Variants in FMNL2 observed in about 807,000 individuals in gnomAD.
FMNL2 encodes the protein formin-like protein 2.
Under a neutral mutation model 130.2 loss-of-function variants are expected in FMNL2, and 51 were observed. The observed-to-expected ratio is 0.39, with a 90% CI of 0.31 to 0.49. The LOEUF (loss-of-function observed/expected upper bound fraction) is 0.49, where lower values mean the gene tolerates loss of function less well. FMNL2 is among the 20% of genes least tolerant of loss of function. The pLI, the probability that FMNL2 is intolerant of heterozygous loss-of-function variation, is 0.85. For missense variants in FMNL2, 977 were observed against 1,316.2 expected (o/e 0.74, Z 3.99); for synonymous variants, 465 against 467.1 (o/e 1.00, Z 0.06).
At chr2:152,389,936 A>G in intron 1 of FMNL2, 1 of 1,138,666 alleles carries the variant, frequency 8.8e-7, no homozygotes, top group Non-Finnish European at 1.3e-6. Flanking sequence ...GGGCTGGCCA[A>G]GGAAGCCAAG....
Position 152,542,236 on chromosome 2 carries a change from C to T in FMNL2, c.202-503C>T, listed in dbSNP as rs532282132. On this transcript the variant is annotated intron_variant, in intron 2 of 25. Coordinates refer to ENST00000288670, the MANE Select transcript of FMNL2 (RefSeq NM_052905.4). The stretch of plus-strand genomic sequence containing the variant: ...CCACATTCCAGCAATTGACTCGTTG[C>T]TCATATTTGAAAAAAATTAGCTTTA... Among the ~76,000 whole-genome samples the T allele has an allele frequency of 9.9e-5, 15 of 152,236 alleles. No homozygotes were observed. In the South Asian group the frequency reaches 3.1e-3, roughly 32 times the overall value.
intron 1 of FMNL2, among the ~76,000 whole-genome samples, chr2:152,352,105 A>G (rs1378664272): frequency 6.6e-6 from 1 of 152,200 alleles, no homozygotes; most frequent in African/African-American, 2.4e-5. Flanking sequence ...GAATTTTGGT[A>G]TCTTCCTGCT....
intron 1 of FMNL2, chr2:152,390,190 TG>T: frequency 7.5e-7 from 1 of 1,324,964 alleles, no homozygotes; most frequent in Non-Finnish European, 1.1e-6. Context: ...CTGGACCTGG[TG>T]GTCCCTTTCC....
chr2:152,536,613 C>A (rs1694006635), intron 2 of FMNL2, among the ~76,000 whole-genome samples: 1 of 152,170 alleles, frequency 6.6e-6, no homozygotes, highest in Admixed American at 6.5e-5. Context: ...ATGGTGACAT[C>A]TAATTCATCC....
intron 1 of FMNL2, among the ~76,000 whole-genome samples, chr2:152,408,795 T>C (rs903228850): frequency 3.3e-5 from 5 of 152,188 alleles, no homozygotes; most frequent in African/African-American, 1.2e-4. Context: ...TATTGAATAC[T>C]GTACTGAAAT....
At chr2:152,372,695 G>T (rs916765479) in intron 1 of FMNL2, among the ~76,000 whole-genome samples, 6 of 152,090 alleles carry the variant, frequency 3.9e-5, no homozygotes, top group African/African-American at 1.4e-4. Context: ...GTTCCCTTTG[G>T]GCGGCCTGAA....
chr2:152,578,648 C>G (rs1487217875), intron 7 of FMNL2: 2 of 330,708 alleles, frequency 6.0e-6, no homozygotes, highest in East Asian at 5.0e-5. Flanking sequence ...AGCTGTACCC[C>G]CCGCCTCAGC....
intron 8 of FMNL2, among the ~76,000 whole-genome samples, chr2:152,579,328 A>G (rs1329539744): frequency 6.6e-6 from 1 of 151,440 alleles, no homozygotes; most frequent in Non-Finnish European, 1.5e-5. Flanking sequence ...GAAGCTAGCT[A>G]AAACCACCAT....
chr2:152,537,428 G>A (rs1694053104), intron 2 of FMNL2, among the ~76,000 whole-genome samples: 1 of 151,996 alleles, frequency 6.6e-6, no homozygotes, highest in South Asian at 2.1e-4. Flanking sequence ...GGGTTAATGA[G>A]GAAACGTATG....
intron 1 of FMNL2, among the ~76,000 whole-genome samples, chr2:152,515,202 G>A (rs941832437): frequency 2.6e-5 from 4 of 152,130 alleles, no homozygotes; most frequent in African/African-American, 9.7e-5. Flanking sequence ...GTAGCAAAAA[G>A]TAATGGCTCC....
chr2:152,523,796 A>G (rs1282080999), intron 2 of FMNL2, among the ~76,000 whole-genome samples: 1 of 152,186 alleles, frequency 6.6e-6, no homozygotes, highest in Non-Finnish European at 1.5e-5. Context: ...TTTTGTAAGT[A>G]TTTATTTAAG....
intron 1 of FMNL2, among the ~76,000 whole-genome samples, chr2:152,403,697 C>T (rs986129312): frequency 2.6e-5 from 4 of 152,128 alleles, no homozygotes; most frequent in Admixed American, 1.3e-4. Context: ...AGGTTTTGGT[C>T]TCAGCTCTGC....
chr2:152,607,819 A>C (rs1338286514), intron 10 of FMNL2, among the ~76,000 whole-genome samples: 3 of 152,094 alleles, frequency 2.0e-5, no homozygotes, highest in African/African-American at 7.3e-5. Context: ...TATTCTTAAA[A>C]ATTAAAGTGC....
At chr2:152,619,829 T>C in intron 15 of FMNL2, 111 bp downstream of exon 15, 1 of 1,490,688 alleles carries the variant, frequency 6.7e-7, no homozygotes, top group Non-Finnish European at 8.9e-7. Flanking sequence ...TGTGTATCTC[T>C]TCCTAGTATA....
chr2:152,529,551 C>G (rs145151429), intron 2 of FMNL2, among the ~76,000 whole-genome samples: 9 of 152,150 alleles, frequency 5.9e-5, no homozygotes. Flanking sequence ...AAGACTCACT[C>G]CAGGTCTCTG....
intron 24 of FMNL2, among the ~76,000 whole-genome samples, chr2:152,640,555 T>C (rs1682994847): frequency 6.6e-6 from 1 of 152,248 alleles, no homozygotes; most frequent in African/African-American, 2.4e-5. Flanking sequence ...TGCCTCTTGT[T>C]GCCGTAGACT....
At chr2:152,431,965 TAAAAAAAA>T (rs60639670) in intron 1 of FMNL2, among the ~76,000 whole-genome samples, 2 of 82,172 alleles carry the variant, frequency 2.4e-5, no homozygotes, top group African/African-American at 6.4e-5. Context: ...ACCCTATCTT[TAAAAAAAA>T]AAAAAAAAAA....
intron 1 of FMNL2, among the ~76,000 whole-genome samples, chr2:152,365,399 G>A (rs944378798): frequency 7.7e-6 from 1 of 129,458 alleles, no homozygotes; most frequent in African/African-American, 3.0e-5. Flanking sequence ...AGAAGTTGTG[G>A]TCAAACTTAT....
intron 9 of FMNL2, among the ~76,000 whole-genome samples, chr2:152,593,892 TGTGTGTGTGTGA>T (rs762186937): frequency 0.012 from 1,378 of 113,150 alleles, 19 homozygotes; most frequent in African/African-American, 0.038. Flanking sequence ...TGTGTGTGTG[TGTGTGTGTGTGA>T]GAGAGAGAGA....
Sources: gnomAD v4.1 joint callset for allele counts (sites outside exome capture counted in the v4.1 genomes callset) on GRCh38, gnomAD v4.1.1 for gene constraint, MANE v1.5 for transcripts, NCBI Gene and HGNC (gene_info 2026-07-23, HGNC 2026-07-21) for gene names.